PPP6R3: variants seen among roughly 807,000 people sequenced by gnomAD.
PPP6R3 encodes protein phosphatase 6 regulatory subunit 3.
A neutral mutation model predicts 110.7 loss-of-function variants in PPP6R3; 38 were observed. The ratio of observed to expected loss-of-function variants is 0.34; its 90% CI spans 0.26 to 0.45. The LOEUF is 0.45. PPP6R3 is among the 20% of genes least tolerant of loss of function. PPP6R3 has a pLI of 1.00. For missense variants in PPP6R3, 870 were observed against 1,062.4 expected (o/e 0.82, Z 2.52); for synonymous variants, 369 against 373.5 (o/e 0.99, Z 0.14).
intron 3 of PPP6R3, among the ~76,000 whole-genome samples, chr11:68,544,620 T>A (rs1368902220): frequency 6.6e-6 from 1 of 152,262 alleles, no homozygotes; most frequent in Non-Finnish European, 1.5e-5. Flanking sequence ...GAAAATGTAT[T>A]CTTGTTAAAG....
Position 68,561,138 on chromosome 11 carries a change from C to T in PPP6R3, c.845+2459C>T, listed in dbSNP as rs183808123. On this transcript the variant is annotated intron_variant, in intron 8 of 23. Coordinates refer to ENST00000393800, the MANE Select transcript of PPP6R3 (RefSeq NM_001164161.2). ...TCCTGACCTTGTGATCCACCCCCCT[C>T]GGCCTCCCAAAGTGCTGGGATTACA... 5.7e-3 allele frequency among the ~76,000 whole-genome samples: 864 copies of T among 152,278 alleles called. 11 individuals carry two copies. Among genetic ancestry groups the T allele is most frequent in the Non-Finnish European group, 7.7e-3 (521 of 68,010 alleles).
At chr11:68,483,710 G>A (rs976910402) in intron 1 of PPP6R3, among the ~76,000 whole-genome samples, 2 of 152,170 alleles carry the variant, frequency 1.3e-5, no homozygotes, top group Admixed American at 6.6e-5. Context: ...TCAAACTCCT[G>A]ACTTCAGGTG....
intron 2 of PPP6R3, among the ~76,000 whole-genome samples, chr11:68,536,480 T>C (rs2099271605): frequency 6.6e-6 from 1 of 151,992 alleles, no homozygotes; most frequent in Admixed American, 6.6e-5. Flanking sequence ...GTGTAGGCCG[T>C]TCTTGAACTC....
intron 13 of PPP6R3, among the ~76,000 whole-genome samples, chr11:68,575,153 C>T (rs1488359744): frequency 6.6e-6 from 1 of 152,176 alleles, no homozygotes; most frequent in Non-Finnish European, 1.5e-5. Flanking sequence ...AAGAAATGGC[C>T]ATGTGATATG....
In PPP6R3 at chr11:68,614,611, G is replaced by A. The variant is rs899312081; in HGVS notation, c.*1494G>A. On this transcript the variant is annotated 3_prime_UTR_variant, in exon 24 of 24. Transcript: ENST00000393800. Reference sequence around the variant, plus strand: ...AAACGTCTAATGCCTTATTATTTCTGATTTCCTTTTTCATTTTAAGTGGTG... The same window carrying A: ...AAACGTCTAATGCCTTATTATTTCTAATTTCCTTTTTCATTTTAAGTGGTG... The A allele has an allele frequency of 1.3e-6, 2 of 1,514,866 alleles. No individual in the cohort carries two copies. The highest frequency in any genetic ancestry group is 2.5e-5 in the East Asian group (1 of 40,698). 93.8% of individuals were successfully genotyped at this position (1,514,866 alleles called of 1,614,324 possible). A position where few individuals can be genotyped will look rare whatever the true frequency, so the allele number is the denominator to read the frequency against.
chr11:68,471,206 C>T (rs1025895749), intron 1 of PPP6R3, among the ~76,000 whole-genome samples: 2 of 150,928 alleles, frequency 1.3e-5, no homozygotes, highest in Admixed American at 6.6e-5. Flanking sequence ...GTGGCATGAA[C>T]CCGGGAGGTG....
intron 19 of PPP6R3, among the ~76,000 whole-genome samples, chr11:68,597,519 A>G (rs907804590): frequency 2.0e-5 from 3 of 152,180 alleles, no homozygotes; most frequent in Non-Finnish European, 4.4e-5. Flanking sequence ...CATGGTAGAG[A>G]CAGGAGAACC....
At chr11:68,497,954 GTTGGATAT>G (rs1565428919) in intron 1 of PPP6R3, among the ~76,000 whole-genome samples, 2 of 152,064 alleles carry the variant, frequency 1.3e-5, no homozygotes, top group Non-Finnish European at 2.9e-5. Context: ...GTTGTTTATT[GTTGGATAT>G]TTAGGAACCA....
chr11:68,526,235 G>A (rs1265081041), intron 2 of PPP6R3, among the ~76,000 whole-genome samples: 2 of 151,830 alleles, frequency 1.3e-5, no homozygotes, highest in African/African-American at 2.4e-5. Context: ...AGAATTTACT[G>A]ATTTTACTTT....
At chr11:68,548,630 T>G (rs1012820797) in intron 5 of PPP6R3, among the ~76,000 whole-genome samples, 2 of 152,132 alleles carry the variant, frequency 1.3e-5, no homozygotes, top group Non-Finnish European at 2.9e-5. Flanking sequence ...GGAGAGGTGT[T>G]GATGTATCCA....
At chr11:68,504,452 A>G (rs753259703) in intron 1 of PPP6R3, among the ~76,000 whole-genome samples, 1 of 152,142 alleles carries the variant, frequency 6.6e-6, no homozygotes. Flanking sequence ...ACCTGTTAGG[A>G]TTCTTTCGAG....
chr11:68,478,338 A>G (rs1565290054), intron 1 of PPP6R3, among the ~76,000 whole-genome samples: 1 of 152,180 alleles, frequency 6.6e-6, no homozygotes, highest in Non-Finnish European at 1.5e-5. Context: ...CCCGTTGCCC[A>G]AGCAAGTTAA....
chr11:68,614,542 G>A lies in PPP6R3; in HGVS notation c.*1425G>A, dbSNP rs755489902. 4.6e-5 allele frequency: 68 copies of A among 1,462,370 alleles called. No homozygotes were observed. Among genetic ancestry groups the A allele is most frequent in the Non-Finnish European group, 5.4e-5 (60 of 1,115,808 alleles). The allele number at this position is 1,462,370 out of a possible 1,614,324, so 90.6% of individuals were successfully genotyped here. A position where few individuals can be genotyped will look rare whatever the true frequency, so the allele number is the denominator to read the frequency against. The stretch of plus-strand genomic sequence containing the variant: ...AATTTTTTTAGAAGTAGCATCCCAA[G>A]CAGCGTGCCTAAACATTACATTGCA... On this transcript the variant is annotated 3_prime_UTR_variant, in exon 24 of 24. Transcript: ENST00000393800.
At chr11:68,542,387 C>CTGTTTTTTTTTTGT (rs1212725539) in intron 3 of PPP6R3, among the ~76,000 whole-genome samples, 2 of 4,236 alleles carry the variant, frequency 4.7e-4, no homozygotes, top group Non-Finnish European at 1.0e-3. Flanking sequence ...TGAGAAGCTG[C>CTGTTTTTTTTTTGT]TGTTTTTTTT....
At chr11:68,462,382 C>T (rs1233253543) in intron 1 of PPP6R3, among the ~76,000 whole-genome samples, 3 of 151,994 alleles carry the variant, frequency 2.0e-5, no homozygotes, top group Admixed American at 6.6e-5. Flanking sequence ...GAACATTTAC[C>T]GGAGTAATTA....
At position 68,531,307 on chromosome 11, in the gene PPP6R3, T is replaced by TTTTTTTTATTTATTTA. The variant is rs1555114423; in HGVS notation, c.-6-6349_-6-6348insTTTTATTTATTTATTT. Among the ~76,000 whole-genome samples, 28 of 137,012 alleles carry TTTTTTTTATTTATTTA rather than the reference T, an allele frequency of 2.0e-4. No homozygotes were observed. In the East Asian group the frequency reaches 4.8e-3, roughly 23 times the overall value. The allele number at this position is 137,012 out of a possible 152,430, so 89.9% of individuals were successfully genotyped here. ...TATTGAGTCAGAATCTGAGACTGTG[T>TTTTTTTTATTTATTTA]TTTATTTATTTATTTATTTATTTAT... On this transcript the variant is annotated intron_variant, in intron 2 of 23. Transcript: ENST00000393800.
At chr11:68,530,151 A>G (rs2099229022) in intron 2 of PPP6R3, among the ~76,000 whole-genome samples, 1 of 152,224 alleles carries the variant, frequency 6.6e-6, no homozygotes, top group South Asian at 2.1e-4. Flanking sequence ...CTACTAGAAC[A>G]TTTAATGTGT....
chr11:68,477,460 C>G (rs1201562901), intron 1 of PPP6R3, among the ~76,000 whole-genome samples: 1 of 151,806 alleles, frequency 6.6e-6, no homozygotes, highest in Non-Finnish European at 1.5e-5. Context: ...GTGACTTATG[C>G]CTGTTATCCC....
In PPP6R3 at chr11:68,569,807, T is replaced by C. The variant is rs147266521; in HGVS notation, c.1188T>C (p.Ile396=). 44 of 1,610,368 alleles carry C rather than the reference T, an allele frequency of 2.7e-5. No individual in the cohort carries two copies. The African/African-American group carries it at 5.6e-4, about 20-fold the overall frequency. The change falls in exon 11 of 24, where the codon ATT becomes ATC. Residue 396 remains isoleucine (I), a synonymous_variant. Coordinates refer to ENST00000393800, the MANE Select transcript of PPP6R3 (RefSeq NM_001164161.2). ...NFLHTQVEIC[I]ALILASPFEN... Reference sequence around the variant, plus strand: ...TGCATACACAAGTGGAAATTTGTATTGCACTGATTCTTGCAAGTCCTTTTG... The same window carrying C: ...TGCATACACAAGTGGAAATTTGTATCGCACTGATTCTTGCAAGTCCTTTTG...
Sources: gnomAD v4.1 joint callset for allele counts (sites outside exome capture counted in the v4.1 genomes callset) on GRCh38, gnomAD v4.1.1 for gene constraint, MANE v1.5 for transcripts, NCBI Gene and HGNC (gene_info 2026-07-23, HGNC 2026-07-21) for gene names.